Variants in PCCA observed in about 807,000 individuals in gnomAD.
The protein encoded by PCCA is propionyl-CoA carboxylase alpha chain, mitochondrial.
PCCA carries 74 observed loss-of-function variants against 101.3 expected under a neutral mutation model. The observed-to-expected ratio is 0.73, with a 90% CI of 0.61 to 0.89. PCCA has a LOEUF of 0.89. PCCA is among the 40% of genes least tolerant of loss of function. The probability of loss-of-function intolerance (pLI) is 0.00; values close to 1 mark genes in which losing one functional copy is unlikely to be tolerated. For missense variants in PCCA, 891 were observed against 907.0 expected (o/e 0.98, Z 0.23); for synonymous variants, 294 against 313.6 (o/e 0.94, Z 0.66).
rs1271510126 is a variant in PCCA at position 100,431,960 on chromosome 13, C to G, written c.1845+6229C>G. Among the ~76,000 whole-genome samples, 3 of 151,334 alleles carry G rather than the reference C, an allele frequency of 2.0e-5. No individual in the cohort carries two copies. In the South Asian group the frequency reaches 6.3e-4, roughly 32 times the overall value. On this transcript the variant is annotated intron_variant, in intron 20 of 23. Coordinates refer to ENST00000376285, the MANE Select transcript of PCCA (RefSeq NM_000282.4). ...ATCCCAGCACTTTGGGAGGCCGAGG[C>G]GGGTGGATCACCTGAGGTAAGGCGT...
chr13:100,393,836 T>C (rs759119110), intron 19 of PCCA, among the ~76,000 whole-genome samples: 2 of 152,238 alleles, frequency 1.3e-5, no homozygotes, highest in Non-Finnish European at 2.9e-5. Context: ...TTAGCAAGTA[T>C]ATGAAACACA....
chr13:100,339,957 C>A (rs574345641), intron 17 of PCCA, among the ~76,000 whole-genome samples, 200 bp from the exon 18 acceptor site: 1 of 152,276 alleles, frequency 6.6e-6, no homozygotes. Flanking sequence ...ATATAAACTT[C>A]CCGTGAGCAG....
At chr13:100,270,648 C>T (rs1259868425) in intron 11 of PCCA, among the ~76,000 whole-genome samples, 1 of 152,124 alleles carries the variant, frequency 6.6e-6, no homozygotes, top group East Asian at 1.9e-4. Flanking sequence ...ATCATTAATA[C>T]TGACCTGATA....
intron 19 of PCCA, among the ~76,000 whole-genome samples, chr13:100,422,466 A>G (rs2078896589): frequency 1.3e-5 from 2 of 152,174 alleles, no homozygotes; most frequent in South Asian, 4.1e-4. Flanking sequence ...TTAAAGTTCT[A>G]TAAACATAAT....
intron 4 of PCCA, among the ~76,000 whole-genome samples, chr13:100,136,901 T>G (rs879477267): frequency 6.6e-6 from 1 of 152,040 alleles, no homozygotes; most frequent in Non-Finnish European, 1.5e-5. Context: ...ATTATTGATA[T>G]CTCCTCTGTT....
intron 7 of PCCA, among the ~76,000 whole-genome samples, chr13:100,213,211 A>C (rs2059328696): frequency 6.7e-6 from 1 of 148,336 alleles, no homozygotes; most frequent in Non-Finnish European, 1.5e-5. Flanking sequence ...TAGTGTAGAT[A>C]TCTCTTTGAT....
At chr13:100,342,566 C>T (rs1225314883) in intron 18 of PCCA, among the ~76,000 whole-genome samples, 1 of 151,804 alleles carries the variant, frequency 6.6e-6, no homozygotes, top group Non-Finnish European at 1.5e-5. Context: ...CCGCGCCCAG[C>T]CTTACCTGTA....
intron 19 of PCCA, among the ~76,000 whole-genome samples, chr13:100,382,385 T>C (rs2076278578): frequency 6.6e-6 from 1 of 152,078 alleles, no homozygotes; most frequent in African/African-American, 2.4e-5. Context: ...CTGGGGTCTT[T>C]ATAGGCACAG....
intron 8 of PCCA, among the ~76,000 whole-genome samples, chr13:100,242,902 G>A (rs2061231157): frequency 6.6e-6 from 1 of 151,724 alleles, no homozygotes; most frequent in Admixed American, 6.6e-5. Context: ...TGTTGTGGTG[G>A]TGGTTGTTTT....
Position 100,369,429 on chromosome 13 carries a change from C to T in PCCA, c.1746+855C>T, listed in dbSNP as rs976211628. Among the ~76,000 whole-genome samples the T allele has an allele frequency of 5.3e-5, 8 of 152,070 alleles. No homozygotes were observed. The South Asian group carries it at 1.5e-3, about 28-fold the overall frequency. On this transcript the variant is annotated intron_variant, in intron 19 of 23. Transcript: ENST00000376285. ...CTGGTGTGGCTTGAGAGGGGTACGG[C>T]AGTTTCTTGATCTCAGTGAGAAAAT...
chr13:100,497,461 ATTT>A (rs760521573), intron 21 of PCCA, among the ~76,000 whole-genome samples: 1 of 142,652 alleles, frequency 7.0e-6, no homozygotes, highest in Non-Finnish European at 1.5e-5. Context: ...AGCCAATTTA[ATTT>A]TTTTTTTTTT....
intron 17 of PCCA, among the ~76,000 whole-genome samples, chr13:100,338,030 C>G (rs1294223967): frequency 6.6e-6 from 1 of 152,150 alleles, no homozygotes; most frequent in Non-Finnish European, 1.5e-5. Context: ...AATATCAGTC[C>G]AGAACAGTTG....
At chr13:100,451,912 C>T (rs1595956153) in intron 21 of PCCA, among the ~76,000 whole-genome samples, 2 of 3,904 alleles carry the variant, frequency 5.1e-4, no homozygotes, top group Admixed American at 2.7e-3. Flanking sequence ...CTCCTCTCTC[C>T]TCTCCCTCTC....
In PCCA at chr13:100,417,766, C is replaced by T. The variant is rs1016438409; in HGVS notation, c.1747-7867C>T. ...CTTTCAGACCAACAGCCTTTTGTAT[C>T]AGCCTTTTCTGGAATGTTCCACTAA... On this transcript the variant is annotated intron_variant, in intron 19 of 23. Coordinates refer to ENST00000376285, the MANE Select transcript of PCCA (RefSeq NM_000282.4). Among the ~76,000 whole-genome samples, 8 of 152,122 alleles carry T rather than the reference C, an allele frequency of 5.3e-5. No individual in the cohort carries two copies. The East Asian group carries it at 1.5e-3, about 29-fold the overall frequency.
At chr13:100,428,744 G>C (rs1166583516) in intron 20 of PCCA, among the ~76,000 whole-genome samples, 2 of 152,080 alleles carry the variant, frequency 1.3e-5, no homozygotes, top group South Asian at 2.1e-4. Flanking sequence ...CAAGCCCCCA[G>C]GTAATGCTGC....
chr13:100,254,394 G>A (rs2061946796), intron 8 of PCCA, among the ~76,000 whole-genome samples: 1 of 152,202 alleles, frequency 6.6e-6, no homozygotes, highest in African/African-American at 2.4e-5. Context: ...ACAGAAGTAA[G>A]TGCTCCAGTG....
intron 7 of PCCA, among the ~76,000 whole-genome samples, chr13:100,217,495 A>G (rs2059584743): frequency 6.6e-6 from 1 of 152,150 alleles, no homozygotes; most frequent in African/African-American, 2.4e-5. Context: ...TATGAAAATA[A>G]GGACTTTAGA....
chr13:100,181,490 A>G (rs1212976649), intron 6 of PCCA, among the ~76,000 whole-genome samples: 1 of 152,058 alleles, frequency 6.6e-6, no homozygotes, highest in Non-Finnish European at 1.5e-5. Flanking sequence ...TAGGGTGCTC[A>G]TGGCTCACTG....
chr13:100,503,591 C>A (rs867021645), intron 21 of PCCA, among the ~76,000 whole-genome samples: 7 of 151,514 alleles, frequency 4.6e-5, no homozygotes, highest in Non-Finnish European at 1.0e-4. Context: ...GGCCAAAGAT[C>A]ATAAATCTCT....
Sources: gnomAD v4.1 joint callset for allele counts (sites outside exome capture counted in the v4.1 genomes callset) on GRCh38, gnomAD v4.1.1 for gene constraint, MANE v1.5 for transcripts, NCBI Gene and HGNC (gene_info 2026-07-23, HGNC 2026-07-21) for gene names.